The following DOCK2 variants were observed in gnomAD, a reference collection of about 807,000 sequenced individuals.
DOCK2 encodes dedicator of cytokinesis 2, also known as dedicator of cytokinesis protein 2.
DOCK2 carries 87 observed loss-of-function variants against 248.9 expected under a neutral mutation model. The ratio of observed to expected loss-of-function variants is 0.35; its 90% CI spans 0.29 to 0.42. The LOEUF (loss-of-function observed/expected upper bound fraction) is 0.42. DOCK2 is among the 10% of genes least tolerant of loss of function. The probability of loss-of-function intolerance (pLI) is 1.00; values close to 1 mark genes in which losing one functional copy is unlikely to be tolerated. For synonymous variants in DOCK2, 805 were observed against 821.6 expected (o/e 0.98, Z 0.35); for missense variants, 1,747 against 2,300.2 (o/e 0.76, Z 4.92).
Position 170,041,289 on chromosome 5 carries a change from A to G in DOCK2, c.3756+144A>G, listed in dbSNP as rs1250110113. 3 of 748,002 alleles carry G rather than the reference A, an allele frequency of 4.0e-6. No individual in the cohort carries two copies. In the East Asian group the frequency reaches 8.0e-5, roughly 20 times the overall value. 46.3% of individuals were successfully genotyped at this position (748,002 alleles called of 1,614,324 possible). A position where few individuals can be genotyped will look rare whatever the true frequency, so the allele number is the denominator to read the frequency against. Reference sequence around the variant, plus strand: ...GTCTCCAAACTCTTGAGCTGGCAGGATACTTTTTGCACTGCTTCCCTGGTC... The same window carrying G: ...GTCTCCAAACTCTTGAGCTGGCAGGGTACTTTTTGCACTGCTTCCCTGGTC... On this transcript the variant is annotated intron_variant, in intron 37 of 51. Coordinates refer to ENST00000520908, the MANE Select transcript of DOCK2 (RefSeq NM_004946.3).
intron 17 of DOCK2, among the ~76,000 whole-genome samples, chr5:169,713,708 T>C (rs910595360): frequency 9.2e-5 from 14 of 152,234 alleles, no homozygotes; most frequent in African/African-American, 3.4e-4. Context: ...GGTGAGCAGA[T>C]ATTATGGTCT....
intron 27 of DOCK2, among the ~76,000 whole-genome samples, chr5:169,915,969 T>C (rs1774851904): frequency 6.6e-6 from 1 of 152,160 alleles, no homozygotes; most frequent in South Asian, 2.1e-4. Context: ...TGTAAGATGA[T>C]AAAAAACATG....
intron 32 of DOCK2, among the ~76,000 whole-genome samples, chr5:170,011,662 T>G (rs532607339): frequency 3.3e-5 from 5 of 152,222 alleles, no homozygotes; most frequent in Non-Finnish European, 5.9e-5. Context: ...AACAGCCACG[T>G]GTCCCAAGTC....
intron 26 of DOCK2, among the ~76,000 whole-genome samples, chr5:169,832,720 A>G (rs1769306574): frequency 6.6e-6 from 1 of 152,188 alleles, no homozygotes; most frequent in African/African-American, 2.4e-5. Flanking sequence ...TTTTCTTTCT[A>G]GGTGTTTGTG....
chr5:169,726,593 A>G (rs141895265), intron 22 of DOCK2, among the ~76,000 whole-genome samples: 253 of 152,322 alleles, frequency 1.7e-3, no homozygotes, highest in Middle Eastern at 3.4e-3. Context: ...GAACTTTTAA[A>G]TAGTTCTCTG....
intron 29 of DOCK2, among the ~76,000 whole-genome samples, chr5:169,992,572 C>A (rs1778235883): frequency 6.6e-6 from 1 of 152,116 alleles, no homozygotes; most frequent in Non-Finnish European, 1.5e-5. Flanking sequence ...TGAAGCAATT[C>A]TCCTGCCTCA....
At chr5:169,716,131 TA>T in intron 19 of DOCK2, 81 bp from the exon 20 acceptor site, 1 of 1,221,552 alleles carries the variant, frequency 8.2e-7, no homozygotes, top group East Asian at 2.4e-5. Flanking sequence ...CATTCTCTTA[TA>T]GATAGTTAGG....
chr5:169,757,457 C>T (rs982830541), intron 23 of DOCK2, among the ~76,000 whole-genome samples: 5 of 152,090 alleles, frequency 3.3e-5, no homozygotes, highest in African/African-American at 1.2e-4. Flanking sequence ...TACCTAGCAC[C>T]ATCCTATGGG....
intron 27 of DOCK2, among the ~76,000 whole-genome samples, chr5:169,888,005 T>G (rs1413278369): frequency 6.6e-6 from 1 of 152,246 alleles, no homozygotes; most frequent in Non-Finnish European, 1.5e-5. Flanking sequence ...TTTCACATGT[T>G]TATTGGTTTT....
chr5:169,940,712 G>T, intron 27 of DOCK2, among the ~76,000 whole-genome samples: 1 of 152,158 alleles, frequency 6.6e-6, no homozygotes, highest in East Asian at 1.9e-4. Flanking sequence ...TCCCACCACT[G>T]ATCTGACAGG....
At chr5:169,841,520 T>C in intron 27 of DOCK2, 1 of 894,622 alleles carries the variant, frequency 1.1e-6, no homozygotes, top group Non-Finnish European at 1.3e-6. Context: ...GTCACTCCTC[T>C]GCTGAAACCT....
At chr5:170,035,485 A>G (rs1185635364) in intron 35 of DOCK2, among the ~76,000 whole-genome samples, 3 of 152,164 alleles carry the variant, frequency 2.0e-5, no homozygotes, top group Non-Finnish European at 4.4e-5. Flanking sequence ...AAAGGAATTC[A>G]TTGCTAATAA....
chr5:169,808,410 C>T (rs1767531782), intron 26 of DOCK2, among the ~76,000 whole-genome samples: 1 of 151,922 alleles, frequency 6.6e-6, no homozygotes, highest in Non-Finnish European at 1.5e-5. Flanking sequence ...TTCTTTGAAA[C>T]CCTGGGTGTC....
chr5:169,963,665 C>G (rs889427404), intron 27 of DOCK2, among the ~76,000 whole-genome samples: 3 of 152,158 alleles, frequency 2.0e-5, no homozygotes, highest in African/African-American at 7.2e-5. Flanking sequence ...CACCCCCTCA[C>G]CCAGTCTTGG....
chr5:170,005,745 T>G (rs970700197), intron 30 of DOCK2, among the ~76,000 whole-genome samples: 2 of 152,178 alleles, frequency 1.3e-5, no homozygotes, highest in African/African-American at 4.8e-5. Context: ...CTCAGATTTT[T>G]TTTTAAAAAA....
intron 26 of DOCK2, among the ~76,000 whole-genome samples, chr5:169,818,628 G>A (rs909088922): frequency 5.3e-5 from 8 of 152,054 alleles, no homozygotes; most frequent in Non-Finnish European, 7.4e-5. Context: ...AATTAATGAT[G>A]TCTCTTTTTA....
intron 27 of DOCK2, among the ~76,000 whole-genome samples, chr5:169,899,000 C>T (rs540953274): frequency 6.6e-6 from 1 of 152,254 alleles, no homozygotes; most frequent in Middle Eastern, 3.4e-3. Flanking sequence ...TAGAACAGGT[C>T]TGGTTTCAAA....
At chr5:169,972,586 T>TAGATA (rs1554122913) in intron 27 of DOCK2, among the ~76,000 whole-genome samples, 56 of 69,026 alleles carry the variant, frequency 8.1e-4, no homozygotes, top group East Asian at 1.2e-3. Flanking sequence ...GATAGATAGA[T>TAGATA]GATAGATAGA....
chr5:169,713,124 C>T (rs753302873), intron 17 of DOCK2, among the ~76,000 whole-genome samples: 39 of 152,346 alleles, frequency 2.6e-4, no homozygotes, highest in Non-Finnish European at 4.7e-4. Flanking sequence ...TTCCAGAAAA[C>T]CCCCTTTCTT....
Sources: allele counts gnomAD v4.1 joint callset (sites outside exome capture counted in the v4.1 genomes callset), GRCh38; gene constraint gnomAD v4.1.1; transcripts MANE v1.5; gene names NCBI Gene and HGNC (gene_info 2026-07-23, HGNC 2026-07-21).